Variants in PCM1 observed in about 807,000 individuals in gnomAD.
PCM1 encodes the protein pericentriolar material 1 protein.
Under a neutral mutation model 241.9 loss-of-function variants are expected in PCM1, and 157 were observed. The observed-to-expected ratio is 0.65, with a 90% CI of 0.57 to 0.74. PCM1 has a LOEUF of 0.74. Among genes scored for constraint, PCM1 ranks in the 30% least tolerant of loss-of-function variants. The pLI is 0.00. For synonymous variants in PCM1, 1,085 were observed against 784.9 expected, an observed-to-expected ratio of 1.38 and a Z score of -6.39; for missense variants, 3,478 against 2,360.1, an observed-to-expected ratio of 1.47 and a Z score of -9.81.
intron 17 of PCM1, among the ~76,000 whole-genome samples, chr8:17,964,297 A>C (rs2073927466): frequency 6.6e-6 from 1 of 152,144 alleles, no homozygotes; most frequent in Non-Finnish European, 1.5e-5. Flanking sequence ...AGCAAATGTT[A>C]AGGGTAGTTT....
intron 6 of PCM1, among the ~76,000 whole-genome samples, chr8:17,946,485 C>CT (rs1312862995): frequency 1.4e-3 from 206 of 148,458 alleles, no homozygotes; most frequent in Middle Eastern, 3.5e-3. Flanking sequence ...TACTTCTAGT[C>CT]TTTTTTTTTT....
At chr8:17,989,227 A>G (rs1047781926) in intron 26 of PCM1, among the ~76,000 whole-genome samples, 18 of 151,990 alleles carry the variant, frequency 1.2e-4, no homozygotes, top group African/African-American at 4.1e-4. Flanking sequence ...ATGAAGTTCT[A>G]CAACCAGCAG....
chr8:17,951,092 C>A (rs1383800976), intron 8 of PCM1, among the ~76,000 whole-genome samples: 1 of 152,116 alleles, frequency 6.6e-6, no homozygotes, highest in South Asian at 2.1e-4. Flanking sequence ...CTGTGTCCTT[C>A]GACTAGATAC....
Position 17,955,653 on chromosome 8 carries a change from A to G in PCM1, c.1472A>G (p.Gln491Arg), listed in dbSNP as rs750196371. 10 of 1,606,018 alleles carry G rather than the reference A, an allele frequency of 6.2e-6. No homozygotes were observed. Among genetic ancestry groups the G allele is most frequent in the Middle Eastern group, 1.7e-4 (1 of 6,008 alleles). Residue 491 changes from glutamine (Q) to arginine (R), a missense_variant and splice_region_variant, in exon 10 of 39, where the codon CAG becomes CGG. Gln to Arg is a conservative substitution (Grantham distance 43). Coordinates refer to ENST00000325083, the MANE Select transcript of PCM1 (RefSeq NM_006197.4). ...EGHLNPSEKL[Q>R]KLNEVRKRLN... ...CACCTCAATCCATCTGAAAAACTCC[A>G]GTAAAACATTTATAATCATTGTTTA...
chr8:17,924,001 T>C (rs2055765426), intron 1 of PCM1, among the ~76,000 whole-genome samples: 1 of 82,576 alleles, frequency 1.2e-5, no homozygotes, highest in Non-Finnish European at 3.3e-5. Context: ...TTTTTTGTTT[T>C]GTTTTGTTTT....
chr8:17,929,625 C>T (rs776684602), intron 2 of PCM1, among the ~76,000 whole-genome samples: 1 of 152,140 alleles, frequency 6.6e-6, no homozygotes. Flanking sequence ...CAACCTTTAT[C>T]CTTTATCTTT....
At chr8:17,937,667 T>C (rs981518627) in intron 4 of PCM1, among the ~76,000 whole-genome samples, 4 of 152,176 alleles carry the variant, frequency 2.6e-5, no homozygotes, top group Non-Finnish European at 4.4e-5. Context: ...TTTTGGTAAC[T>C]GAATAAAATG....
intron 29 of PCM1, among the ~76,000 whole-genome samples, chr8:17,997,270 C>G (rs35935919): frequency 0.017 from 2,606 of 152,140 alleles, 42 homozygotes; most frequent in South Asian, 0.045. Context: ...TATATTGGAA[C>G]CCCATTATAT....
At chr8:17,941,829 C>G (rs1357418247) in intron 6 of PCM1, among the ~76,000 whole-genome samples, 2 of 151,708 alleles carry the variant, frequency 1.3e-5, no homozygotes, top group East Asian at 2.0e-4. Flanking sequence ...GTGGATTTCC[C>G]TCAAAGGTAT....
intron 8 of PCM1, among the ~76,000 whole-genome samples, chr8:17,951,492 A>T (rs1485746566): frequency 6.6e-6 from 1 of 152,240 alleles, no homozygotes; most frequent in African/African-American, 2.4e-5. Context: ...TGTTAATAGC[A>T]AATAACCAGA....
intron 34 of PCM1, chr8:18,013,702 TG>T (rs1010765911): frequency 9.3e-6 from 3 of 322,154 alleles, no homozygotes; most frequent in African/African-American, 4.3e-5. Flanking sequence ...TTTTAGAGTC[TG>T]AAAAAAAATG....
chr8:17,979,754 C>G (rs1190414234), intron 23 of PCM1, among the ~76,000 whole-genome samples: 1 of 150,796 alleles, frequency 6.6e-6, no homozygotes, highest in Non-Finnish European at 1.5e-5. Context: ...TAATTTGATT[C>G]CATTTTGAGT....
chr8:17,995,634 G>A (rs990728761), intron 29 of PCM1, among the ~76,000 whole-genome samples: 2 of 151,196 alleles, frequency 1.3e-5, no homozygotes, highest in African/African-American at 2.5e-5. Context: ...CAATTGTATT[G>A]AATCTGTAGA....
rs1250719103 is a variant in PCM1, at chr8:17,939,002, G to T, written c.605G>T (p.Ser202Ile). 3.1e-6 allele frequency: 5 copies of T among 1,613,378 alleles called. No homozygotes were observed. Among genetic ancestry groups the T allele is most frequent in the Non-Finnish European group, 4.2e-6 (5 of 1,179,502 alleles). The change falls in exon 5 of 39, where the codon AGC becomes ATC. Residue 202 changes from serine to isoleucine, a missense_variant. Ser to Ile is a moderately radical substitution (Grantham distance 142). Transcript: ENST00000325083. ...EDGRGEPAME[S>I]SQIVSRLVQI... ...GGGAGGGGAGAACCTGCAATGGAGAGCAGCCAGGTGATAACGTTTGTTTCT... is the reference window on the plus strand; with the variant it reads ...GGGAGGGGAGAACCTGCAATGGAGATCAGCCAGGTGATAACGTTTGTTTCT...
intron 11 of PCM1, 112 bp downstream of exon 11, chr8:17,956,889 C>A: frequency 1.2e-6 from 1 of 865,620 alleles, no homozygotes; most frequent in Non-Finnish European, 1.8e-6. Context: ...TTTATTTAAG[C>A]TTTCTACTAT....
rs781412902 is a variant in PCM1 at position 17,972,326 on chromosome 8, A to G, written c.3585-3A>G. 2 of 1,468,648 alleles carry G rather than the reference A, an allele frequency of 1.4e-6. No individual in the cohort carries two copies. Among genetic ancestry groups the G allele is most frequent in the Non-Finnish European group, 1.8e-6 (2 of 1,104,840 alleles). The allele number at this position is 1,468,648 out of a possible 1,614,324, so 91.0% of individuals were successfully genotyped here. A position where few individuals can be genotyped will look rare whatever the true frequency, so the allele number is the denominator to read the frequency against. On this transcript the variant is annotated splice_polypyrimidine_tract_variant and splice_region_variant and intron_variant, in intron 22 of 38. Transcript: ENST00000325083. ...CTTATAAAAACTTGTTTTCATTGGT[A>G]AGGAATAAAAAACTGCCTGAAGAGG...
chr8:17,992,285 G>T (rs1340296548), intron 28 of PCM1, among the ~76,000 whole-genome samples: 1 of 152,152 alleles, frequency 6.6e-6, no homozygotes, highest in Non-Finnish European at 1.5e-5. Context: ...GGATCAAATG[G>T]TGGATCTACT....
At chr8:17,929,101 A>G (rs2129446499) in intron 2 of PCM1, among the ~76,000 whole-genome samples, 1 of 152,170 alleles carries the variant, frequency 6.6e-6, no homozygotes, top group Admixed American at 6.5e-5. Flanking sequence ...AATACATTCC[A>G]GTTATGGAAT....
At chr8:17,924,804 T>C (rs2056251065) in intron 2 of PCM1, 24 bp downstream of exon 2, 1 of 152,226 alleles carries the variant, frequency 6.6e-6, no homozygotes, top group Non-Finnish European at 1.5e-5. Flanking sequence ...ATTATCTGTA[T>C]TATCCTTTGT....
Sources: gnomAD v4.1 joint callset for allele counts (sites outside exome capture counted in the v4.1 genomes callset) on GRCh38, gnomAD v4.1.1 for gene constraint, MANE v1.5 for transcripts, NCBI Gene and HGNC (gene_info 2026-07-23, HGNC 2026-07-21) for gene names.